Variants in LRRC37A observed in about 807,000 individuals in gnomAD.
LRRC37A encodes leucine-rich repeat-containing protein 37A.
LRRC37A carries 3 observed loss-of-function variants against 35.4 expected under a neutral mutation model. That is an observed-to-expected ratio of 0.08 (90% CI 0.04 to 0.22). The LOEUF (loss-of-function observed/expected upper bound fraction) is 0.22, where lower values mean the gene tolerates loss of function less well. LRRC37A is among the 10% of genes least tolerant of loss of function. The pLI is 1.00. For missense variants in LRRC37A, 67 were observed against 565.3 expected (o/e 0.12, Z 8.94); for synonymous variants, 23 against 215.0 (o/e 0.11, Z 7.81).
the LRRC37A span, among the ~76,000 whole-genome samples, chr17:46,248,852 G>A: frequency 1.3e-5 from 2 of 151,518 alleles, no homozygotes; most frequent in African/African-American, 4.9e-5. Flanking sequence ...AAATTATGCT[G>A]CCATCCATGT....
At chr17:46,282,305 G>C in the LRRC37A span, among the ~76,000 whole-genome samples, 1 of 151,832 alleles carries the variant, frequency 6.6e-6, no homozygotes, top group African/African-American at 2.4e-5. Flanking sequence ...GGGTTTCACC[G>C]TGTTAGCCAG....
At chr17:46,269,039 C>T in the LRRC37A span, among the ~76,000 whole-genome samples, 18,124 of 151,524 alleles carry the variant, frequency 0.12, no homozygotes, top group Non-Finnish European at 0.18. Flanking sequence ...AAACATTTTC[C>T]TGAATTTAAA....
chr17:46,263,456 CA>C, the LRRC37A span, among the ~76,000 whole-genome samples: 1 of 146,780 alleles, frequency 6.8e-6, no homozygotes, highest in African/African-American at 2.5e-5. Flanking sequence ...GAGGCTGAGA[CA>C]GGAGAATCGA....
the LRRC37A span, among the ~76,000 whole-genome samples, chr17:46,273,275 G>A: frequency 6.6e-6 from 1 of 152,064 alleles, no homozygotes; most frequent in Non-Finnish European, 1.5e-5. Flanking sequence ...AAAGTAAAAG[G>A]ACAAAATAAT....
chr17:46,334,890 A>G (rs1410549773), intron 10 of LRRC37A: 2 of 131,860 alleles, frequency 1.5e-5, no homozygotes, highest in Non-Finnish European at 3.4e-5. Context: ...AAAGTACAAT[A>G]TAACAACTGT....
At position 46,317,106 on chromosome 17, in the gene LRRC37A, C is replaced by T. The variant is rs1388472644; in HGVS notation, c.2907-5216C>T. Reference sequence around the variant, plus strand: ...CAAAACCGCCATTGTCATCATGGCCCGTTCTCAATGAGCTGTTGGGTACAC... The same window carrying T: ...CAAAACCGCCATTGTCATCATGGCCTGTTCTCAATGAGCTGTTGGGTACAC... On this transcript the variant is annotated intron_variant, in intron 5 of 13. Coordinates refer to ENST00000320254, the Ensembl canonical transcript of LRRC37A. 3.5e-5 allele frequency among the ~76,000 whole-genome samples: 3 copies of T among 86,304 alleles called. 1 individual carries two copies. The highest frequency in any genetic ancestry group is 6.0e-5 in the African/African-American group (2 of 33,118). The allele number at this position is 86,304 out of a possible 152,430, so 56.6% of individuals were successfully genotyped here.
chr17:46,265,017 C>A, the LRRC37A span, among the ~76,000 whole-genome samples: 2 of 152,264 alleles, frequency 1.3e-5, no homozygotes, highest in Non-Finnish European at 1.5e-5. Flanking sequence ...GCCCCGAGGG[C>A]ATGAACTTAC....
At chr17:46,280,084 A>C in the LRRC37A span, among the ~76,000 whole-genome samples, 16,848 of 149,426 alleles carry the variant, frequency 0.11, no homozygotes, top group Non-Finnish European at 0.17. Flanking sequence ...AATAAATAAA[A>C]ATGTCTGGCC....
the LRRC37A span, among the ~76,000 whole-genome samples, chr17:46,280,926 C>G: frequency 6.6e-6 from 1 of 152,312 alleles, no homozygotes; most frequent in South Asian, 2.1e-4. Context: ...ACCCTGAGTC[C>G]TTACATGACT....
chr17:46,255,825 G>A, the LRRC37A span, among the ~76,000 whole-genome samples: 10 of 152,060 alleles, frequency 6.6e-5, no homozygotes, highest in East Asian at 7.8e-4. Context: ...ACAGGCGCCC[G>A]CCACCACGCC....
chr17:46,266,437 A>C, the LRRC37A span, among the ~76,000 whole-genome samples: 1 of 152,142 alleles, frequency 6.6e-6, no homozygotes, highest in Non-Finnish European at 1.5e-5. Flanking sequence ...CCCCCTTAGG[A>C]AGGAAGAGGG....
the LRRC37A span, among the ~76,000 whole-genome samples, chr17:46,285,932 A>G: frequency 1.2e-4 from 19 of 152,364 alleles, no homozygotes; most frequent in African/African-American, 4.3e-4. Context: ...TCAACTCCTC[A>G]TCATCCTTCT....
the LRRC37A span, among the ~76,000 whole-genome samples, chr17:46,282,276 GT>G: frequency 6.6e-6 from 1 of 150,562 alleles, no homozygotes; most frequent in East Asian, 2.0e-4. Context: ...CTAATTTTTT[GT>G]TATTTTTAGT....
chr17:46,252,899 G>C, the LRRC37A span, among the ~76,000 whole-genome samples: 7 of 137,110 alleles, frequency 5.1e-5, no homozygotes, highest in African/African-American at 1.2e-4. Flanking sequence ...TACACCTCCC[G>C]GACGGGGCGG....
chr17:46,266,043 G>A, the LRRC37A span, among the ~76,000 whole-genome samples: 1 of 152,210 alleles, frequency 6.6e-6, no homozygotes, highest in Non-Finnish European at 1.5e-5. Flanking sequence ...GTTACAGTGA[G>A]CTGTCATATA....
At chr17:46,308,697 G>C (rs2050661409) in intron 5 of LRRC37A, among the ~76,000 whole-genome samples, 1 of 80,510 alleles carries the variant, frequency 1.2e-5, no homozygotes, top group South Asian at 5.4e-4. Flanking sequence ...GATGCCAAGG[G>C]AAGGTGCCAG....
chr17:46,261,212 T>TAA, the LRRC37A span, among the ~76,000 whole-genome samples: 14 of 151,964 alleles, frequency 9.2e-5, no homozygotes, highest in Admixed American at 3.9e-4. Context: ...CCTATGGAAA[T>TAA]AAAAATTTTT....
the LRRC37A span, among the ~76,000 whole-genome samples, chr17:46,255,088 G>C: frequency 1.3e-5 from 2 of 151,934 alleles, no homozygotes; most frequent in South Asian, 4.1e-4. Flanking sequence ...CACCCACCTC[G>C]GCCTCCCAAA....
At chr17:46,255,283 A>T in the LRRC37A span, among the ~76,000 whole-genome samples, 1 of 151,896 alleles carries the variant, frequency 6.6e-6, no homozygotes, top group Non-Finnish European at 1.5e-5. Context: ...CTGGCCATTT[A>T]AAGTTCCTCA....
Sources: allele counts gnomAD v4.1 joint callset (sites outside exome capture counted in the v4.1 genomes callset), GRCh38; gene constraint gnomAD v4.1.1; transcripts MANE v1.5; gene names NCBI Gene and HGNC (gene_info 2026-07-23, HGNC 2026-07-21).